Variants in MYLK3 observed in about 807,000 individuals in gnomAD.
MYLK3 encodes MLC kinase.
Under a neutral mutation model 76.3 loss-of-function variants are expected in MYLK3, and 55 were observed. That is an observed-to-expected ratio of 0.72 (90% CI 0.58 to 0.90). MYLK3 has a LOEUF of 0.90. Ranked by LOEUF, MYLK3 falls within the 40% of genes least tolerant of loss-of-function variation. The probability of loss-of-function intolerance (pLI) is 0.00; values close to 1 mark genes in which losing one functional copy is unlikely to be tolerated. For missense variants in MYLK3, 973 were observed against 1,053.6 expected (o/e 0.92, Z 1.06); for synonymous variants, 416 against 425.4 (o/e 0.98, Z 0.27).
chr16:46,727,338 CTCA>C lies in MYLK3; in HGVS notation c.1809_1811del (p.Asp603del). 6.2e-7 allele frequency: 1 copy of C among 1,613,770 alleles called. No individual in the cohort carries two copies. Among genetic ancestry groups the C allele is most frequent in the Non-Finnish European group, 8.5e-7 (1 of 1,179,664 alleles). ...CATCCAGCTCAGTCAGGTGGTACTT[CTCA>C]TCTGTGATCCGGTCGAAGAGCTCAC... On this transcript the variant is annotated inframe_deletion, in exon 8 of 13. Coordinates refer to ENST00000394809, the MANE Select transcript of MYLK3 (RefSeq NM_182493.3).
upstream of MYLK3, among the ~76,000 whole-genome samples, chr16:46,751,137 G>A (rs981710063): frequency 4.6e-5 from 7 of 152,038 alleles, no homozygotes; most frequent in South Asian, 2.1e-4. Flanking sequence ...GAGGCCGGGC[G>A]TGGTGGCTCA....
chr16:46,740,226 C>T (rs1323342471), intron 1 of MYLK3, 79 bp from the exon 2 acceptor site: 2 of 1,153,292 alleles, frequency 1.7e-6, no homozygotes, highest in Admixed American at 3.5e-5. Flanking sequence ...TTAGCACCTC[C>T]CCCTTGTTTA....
chr16:46,756,193 AGCCACCTC>A (rs1330251677), intron 1 of MYLK3, among the ~76,000 whole-genome samples: 1 of 152,190 alleles, frequency 6.6e-6, no homozygotes, highest in African/African-American at 2.4e-5. Context: ...TACAAGTGTG[AGCCACCTC>A]GCCCAGCCCA....
In MYLK3 at chr16:46,729,089, G is replaced by A. The variant is rs141697078; in HGVS notation, c.1707C>T (p.His569=). 18 of 1,614,048 alleles carry A rather than the reference G, an allele frequency of 1.1e-5. No homozygotes were observed. Among genetic ancestry groups the A allele is most frequent in the Non-Finnish European group, 1.5e-5 (18 of 1,179,990 alleles). ...CGTCATAGAGCTGGATCAGGTTCAC[G>A]TGGCTGAGCTGGTTCATGATGTTGA... The part of the protein sequence containing the change: ...NEINIMNQLS[H]VNLIQLYDAF... Residue 569 remains histidine, a synonymous_variant, in exon 7 of 13, where the codon CAC becomes CAT. Coordinates refer to ENST00000394809, the MANE Select transcript of MYLK3 (RefSeq NM_182493.3).
Position 46,740,131 on chromosome 16 carries a change from T to G in MYLK3, c.494A>C (p.Glu165Ala). ...DSPEENKERV[E>A]EEGGKPKHVL... ...ATGCTTTGGTTTTCCTCCCTCTTCT[T>G]CCACTCGCTCTTTATTCTAAAATAA... is the stretch of plus-strand genomic sequence containing the variant. Residue 165 changes from glutamate to alanine, a missense_variant, in exon 2 of 13, where the codon GAA (glutamate) becomes GCA (alanine). Physicochemically the swap from Glu to Ala is moderately radical, Grantham distance 107. Coordinates refer to ENST00000394809, the MANE Select transcript of MYLK3 (RefSeq NM_182493.3). The G allele has an allele frequency of 6.2e-7, 1 of 1,613,730 alleles. No homozygotes were observed. The highest frequency in any genetic ancestry group is 8.5e-7 in the Non-Finnish European group (1 of 1,179,748).
chr16:46,735,854 T>C (rs1457086191), intron 3 of MYLK3, among the ~76,000 whole-genome samples: 1 of 152,168 alleles, frequency 6.6e-6, no homozygotes, highest in Admixed American at 6.5e-5. Context: ...GGGCATGAAG[T>C]GAAGCCCCTA....
chr16:46,713,267 G>A (rs575536820), intron 9 of MYLK3, among the ~76,000 whole-genome samples: 7 of 146,800 alleles, frequency 4.8e-5, no homozygotes, highest in African/African-American at 1.0e-4. Context: ...ATAAGATCTC[G>A]GCTCACTGCA....
intron 9 of MYLK3, 100 bp from the exon 10 acceptor site, chr16:46,712,876 A>G: frequency 8.1e-7 from 1 of 1,239,440 alleles, no homozygotes; most frequent in South Asian, 1.8e-5. Flanking sequence ...CCCACTTCCC[A>G]TCAGCCATAT....
rs1966593561 is a variant in MYLK3, at chr16:46,703,198, T to A, written c.*4506A>T. 6.6e-6 allele frequency among the ~76,000 whole-genome samples: 1 copy of A among 152,228 alleles called. No individual in the cohort carries two copies. The highest frequency in any genetic ancestry group is 2.4e-5 in the African/African-American group (1 of 41,460). ...ATCTATCTATAACAGCTGTGAGGTA[T>A]TCCACTACATGGATGTGGCAAAATT... is the stretch of plus-strand genomic sequence containing the variant. On this transcript the variant is annotated 3_prime_UTR_variant, in exon 13 of 13. Coordinates refer to ENST00000394809, the MANE Select transcript of MYLK3 (RefSeq NM_182493.3).
chr16:46,752,832 A>G (rs1393548844), upstream of MYLK3, among the ~76,000 whole-genome samples: 1 of 152,198 alleles, frequency 6.6e-6, no homozygotes, highest in Non-Finnish European at 1.5e-5. Flanking sequence ...GTGAGCAGCA[A>G]TGGAGACACT....
rs757246605 is a variant in MYLK3, at chr16:46,703,338, G to A, written c.*4366C>T. 1.2e-4 allele frequency: 19 copies of A among 152,140 alleles called. No individual in the cohort carries two copies. Among genetic ancestry groups the A allele is most frequent in the Admixed American group, 4.6e-4 (7 of 15,286 alleles). 9.4% of individuals were successfully genotyped at this position (152,140 alleles called of 1,614,324 possible). ...AATCTCTATACAATTGTTCAAGTAC[G>A]GAGGGATAAATTTCTAGAAATAAAA... On this transcript the variant is annotated 3_prime_UTR_variant, in exon 13 of 13. Transcript: ENST00000394809.
chr16:46,756,997 G>C (rs1053731675), intron 1 of MYLK3, among the ~76,000 whole-genome samples: 2 of 152,108 alleles, frequency 1.3e-5, no homozygotes, highest in African/African-American at 4.8e-5. Flanking sequence ...GAGGAAGGGG[G>C]ACAGCTTCCC....
chr16:46,727,194 G>C, intron 8 of MYLK3, 42 bp downstream of exon 8: 1 of 1,599,340 alleles, frequency 6.3e-7, no homozygotes, highest in South Asian at 1.1e-5. Flanking sequence ...CCAGGAGCTA[G>C]GACACCAGGG....
rs189437675 is a variant in MYLK3 at position 46,738,517 on chromosome 16, G to A, written c.569-374C>T. Among the ~76,000 whole-genome samples, 221 of 152,228 alleles carry A rather than the reference G, an allele frequency of 1.5e-3. 1 individual carries two copies. The highest frequency in any genetic ancestry group is 4.3e-3 in the Admixed American group (65 of 15,286). On this transcript the variant is annotated intron_variant, in intron 2 of 12. Coordinates refer to ENST00000394809, the MANE Select transcript of MYLK3 (RefSeq NM_182493.3). Reference sequence around the variant, plus strand: ...AGAGGCTGCAGTGAGCCATATTCACGCCACTTGCACTCCAGCCTGGGCAAC... The same window carrying A: ...AGAGGCTGCAGTGAGCCATATTCACACCACTTGCACTCCAGCCTGGGCAAC...
intron 4 of MYLK3, among the ~76,000 whole-genome samples, chr16:46,731,073 G>A (rs1409922099): frequency 6.6e-6 from 1 of 152,236 alleles, no homozygotes; most frequent in Non-Finnish European, 1.5e-5. Context: ...TAAAGGGACT[G>A]TAAAGTCAGG....
At chr16:46,759,437 A>G (rs1341225197) in intron 1 of MYLK3, among the ~76,000 whole-genome samples, 1 of 152,198 alleles carries the variant, frequency 6.6e-6, no homozygotes, top group Non-Finnish European at 1.5e-5. Flanking sequence ...CTACATCCTT[A>G]CATCAATTAC....
Position 46,748,059 on chromosome 16 carries a change from A to T in MYLK3, c.135T>A (p.Asp45Glu), listed in dbSNP as rs1967061397. 1 of 1,614,088 alleles carries T rather than the reference A, an allele frequency of 6.2e-7. No homozygotes were observed. Among genetic ancestry groups the T allele is most frequent in the Non-Finnish European group, 8.5e-7 (1 of 1,180,046 alleles). The change falls in exon 1 of 13, where the codon GAT (aspartate) becomes GAA (glutamate). Residue 45 changes from aspartate to glutamate, a missense_variant. This residue lies in a region of MYLK3 where 641 missense variants were observed against 637.0 expected (regional missense o/e 1.01). Coordinates refer to ENST00000394809, the MANE Select transcript of MYLK3 (RefSeq NM_182493.3). The surrounding 1 kb of genome is among the most constrained non-coding windows in gnomAD (Gnocchi z 4.3). ...KVDQLLHFQE[D>E]VTEKLQSMCR... Reference sequence around the variant, plus strand: ...ACATGCTCTGCAACTTCTCTGTGACATCTTCTTGGAAGTGCAGGAGCTGGT... The same window carrying T: ...ACATGCTCTGCAACTTCTCTGTGACTTCTTCTTGGAAGTGCAGGAGCTGGT...
At chr16:46,741,918 G>A (rs373510775) in intron 1 of MYLK3, among the ~76,000 whole-genome samples, 1 of 152,040 alleles carries the variant, frequency 6.6e-6, no homozygotes, top group South Asian at 2.1e-4. Context: ...CTACAGGCAC[G>A]TGCCACCACC....
At chr16:46,714,389 T>C (rs8059340) in intron 9 of MYLK3, among the ~76,000 whole-genome samples, 224 of 152,158 alleles carry the variant, frequency 1.5e-3, no homozygotes, top group Non-Finnish European at 2.3e-3. Flanking sequence ...CCAAATTTGC[T>C]GAGAGCCAGG....
Sources: gnomAD v4.1 joint callset for allele counts (sites outside exome capture counted in the v4.1 genomes callset) on GRCh38, gnomAD v4.1.1 for gene constraint, gnomAD v4.1.1 regional missense constraint, Gnocchi (gnomAD v3.1) non-coding constraint, MANE v1.5 for transcripts, NCBI Gene and HGNC (gene_info 2026-07-23, HGNC 2026-07-21) for gene names.